The following SVIL variants were observed in gnomAD, a reference collection of about 807,000 sequenced individuals.
The protein encoded by SVIL is archvillin.
Under a neutral mutation model 240.4 loss-of-function variants are expected in SVIL, and 101 were observed. The ratio of observed to expected loss-of-function variants is 0.42; its 90% CI spans 0.36 to 0.50. The LOEUF is 0.50. Among genes scored for constraint, SVIL ranks in the 20% least tolerant of loss-of-function variants. SVIL has a pLI of 0.01. For missense variants in SVIL, 2,512 were observed against 2,818.7 expected (o/e 0.89, Z 2.46); for synonymous variants, 999 against 1,100.0 (o/e 0.91, Z 1.82).
At chr10:29,598,797 T>C (rs959276646) in intron 1 of SVIL, among the ~76,000 whole-genome samples, 4 of 152,258 alleles carry the variant, frequency 2.6e-5, no homozygotes, top group African/African-American at 9.6e-5. Context: ...TATTCAAAAC[T>C]GCTGTTTTCA....
At chr10:29,690,359 T>C (rs1005696128) in intron 1 of SVIL, among the ~76,000 whole-genome samples, 3 of 152,172 alleles carry the variant, frequency 2.0e-5, no homozygotes, top group African/African-American at 7.2e-5. Context: ...ATATGAAATG[T>C]TGGTCCCCAT....
chr10:29,461,068 A>T (rs1944201993), intron 36 of SVIL, among the ~76,000 whole-genome samples: 3 of 152,194 alleles, frequency 2.0e-5, no homozygotes, highest in Admixed American at 2.0e-4. Context: ...CCCTAATTTT[A>T]GTAGGCCAGA....
chr10:29,584,181 G>A (rs1479563608), intron 1 of SVIL, among the ~76,000 whole-genome samples: 1 of 152,242 alleles, frequency 6.6e-6, no homozygotes, highest in African/African-American at 2.4e-5. Flanking sequence ...AAGAAGAGCG[G>A]ACAGTGTGGG....
intron 1 of SVIL, among the ~76,000 whole-genome samples, chr10:29,622,327 G>T (rs1957692112): frequency 6.7e-6 from 1 of 149,078 alleles, no homozygotes; most frequent in Non-Finnish European, 1.5e-5. Flanking sequence ...TGAGAAAACT[G>T]CCTGGGAATC....
chr10:29,520,444 T>C (rs574258100), intron 16 of SVIL, among the ~76,000 whole-genome samples: 1 of 152,354 alleles, frequency 6.6e-6, no homozygotes, highest in African/African-American at 2.4e-5. Context: ...CTCATTGCAC[T>C]GTCCCCTCTG....
At chr10:29,644,469 A>G (rs918839676) in intron 3 of SVIL, among the ~76,000 whole-genome samples, 6 of 152,030 alleles carry the variant, frequency 3.9e-5, no homozygotes, top group African/African-American at 1.4e-4. Context: ...TTCCATTCTC[A>G]TCTTCCTCCA....
chr10:29,618,680 C>T (rs1704342780), intron 1 of SVIL, among the ~76,000 whole-genome samples: 1 of 152,118 alleles, frequency 6.6e-6, no homozygotes, highest in South Asian at 2.1e-4. Context: ...AAACCCTGGA[C>T]TACTCCTTTC....
At chr10:29,532,258 A>C in intron 8 of SVIL, 86 bp from the exon 9 acceptor site, 1 of 1,486,172 alleles carries the variant, frequency 6.7e-7, no homozygotes, top group Non-Finnish European at 9.1e-7. Context: ...CATCTCCGTG[A>C]GTCAAGGGAC....
chr10:29,703,031 C>G (rs1458825378), intron 1 of SVIL, among the ~76,000 whole-genome samples: 1 of 152,104 alleles, frequency 6.6e-6, no homozygotes, highest in African/African-American at 2.4e-5. Context: ...AGGCTCTCGT[C>G]CAAGACAGTT....
chr10:29,534,184 T>A (rs1231600183), intron 7 of SVIL, among the ~76,000 whole-genome samples: 4 of 152,184 alleles, frequency 2.6e-5, no homozygotes, highest in Non-Finnish European at 5.9e-5. Flanking sequence ...CCTGTCCTGC[T>A]GTTATGCTCT....
intron 2 of SVIL, among the ~76,000 whole-genome samples, chr10:29,677,403 C>G (rs901326771): frequency 6.6e-6 from 1 of 152,104 alleles, no homozygotes; most frequent in Non-Finnish European, 1.5e-5. Flanking sequence ...GCTGTCAGTG[C>G]TGCTCGGAAT....
intron 1 of SVIL, among the ~76,000 whole-genome samples, chr10:29,576,682 C>T (rs779173853): frequency 4.7e-4 from 72 of 152,148 alleles, no homozygotes; most frequent in Non-Finnish European, 9.1e-4. Flanking sequence ...GTCTCCAGAA[C>T]TACAGGCATG....
intron 1 of SVIL, among the ~76,000 whole-genome samples, chr10:29,588,626 G>A (rs1041579468): frequency 1.3e-5 from 2 of 152,264 alleles, no homozygotes; most frequent in East Asian, 3.9e-4. Context: ...CTCTGACAGA[G>A]CGTGAAAGGA....
chr10:29,493,051 T>C (rs1291764395), intron 21 of SVIL, among the ~76,000 whole-genome samples, 163 bp downstream of exon 21: 1 of 152,184 alleles, frequency 6.6e-6, no homozygotes, highest in East Asian at 1.9e-4. Flanking sequence ...TCCGTGCCCC[T>C]GGCTCCTGCA....
intron 30 of SVIL, among the ~76,000 whole-genome samples, chr10:29,472,731 G>A (rs34196106): frequency 0.37 from 56,416 of 151,370 alleles, 10,747 homozygotes; most frequent in East Asian, 0.53. Context: ...GGTGGCCTTG[G>A]ATCTGGGCAG....
chr10:29,573,246 T>C (rs1223018579), intron 1 of SVIL, among the ~76,000 whole-genome samples: 1 of 151,888 alleles, frequency 6.6e-6, no homozygotes, highest in Non-Finnish European at 1.5e-5. Flanking sequence ...CCAGTACACA[T>C]TTTTTTTAAT....
At chr10:29,645,737 T>C (rs914637687) in intron 3 of SVIL, among the ~76,000 whole-genome samples, 3 of 152,134 alleles carry the variant, frequency 2.0e-5, no homozygotes, top group Admixed American at 6.5e-5. Flanking sequence ...CCAAAGCAGA[T>C]CAGATAACCC....
chr10:29,733,570 C>T (rs985676621), intron 1 of SVIL, among the ~76,000 whole-genome samples: 2 of 152,208 alleles, frequency 1.3e-5, no homozygotes, highest in Admixed American at 6.5e-5. Flanking sequence ...CTCCCAAAGC[C>T]TTGGTACTAC....
chr10:29,646,542 T>C (rs923687335), intron 3 of SVIL, among the ~76,000 whole-genome samples: 2 of 152,242 alleles, frequency 1.3e-5, no homozygotes, highest in East Asian at 3.8e-4. Flanking sequence ...TTTCTGATGA[T>C]GGCCAAGTGG....
Sources: allele counts gnomAD v4.1 joint callset (sites outside exome capture counted in the v4.1 genomes callset), GRCh38; gene constraint gnomAD v4.1.1; transcripts MANE v1.5; gene names NCBI Gene and HGNC (gene_info 2026-07-23, HGNC 2026-07-21).